Variants in IKZF2 observed in about 807,000 individuals in gnomAD.
IKZF2 encodes the protein IKAROS family zinc finger 2.
Under a neutral mutation model 49.2 loss-of-function variants are expected in IKZF2, and 15 were observed. That is an observed-to-expected ratio of 0.30 (90% CI 0.20 to 0.47). IKZF2 has a LOEUF of 0.47. IKZF2 is among the 20% of genes least tolerant of loss of function. IKZF2 has a pLI of 1.00. For missense variants in IKZF2, 567 were observed against 664.6 expected (o/e 0.85, Z 1.61); for synonymous variants, 227 against 221.4 (o/e 1.03, Z -0.23).
chr2:213,102,182 C>T (rs370415046), intron 4 of IKZF2, among the ~76,000 whole-genome samples: 8 of 151,990 alleles, frequency 5.3e-5, no homozygotes, highest in Non-Finnish European at 1.0e-4. Context: ...AATTTGTGAG[C>T]GGCATCTTTG....
At chr2:213,059,915 C>T (rs768204112) in intron 4 of IKZF2, among the ~76,000 whole-genome samples, 9 of 151,114 alleles carry the variant, frequency 6.0e-5, no homozygotes, top group South Asian at 4.2e-4. Context: ...ATAGTAAAGC[C>T]GTAGTAATCT....
chr2:213,071,785 C>T (rs772908225), intron 4 of IKZF2, among the ~76,000 whole-genome samples: 2 of 152,082 alleles, frequency 1.3e-5, no homozygotes, highest in Non-Finnish European at 2.9e-5. Context: ...TCAGTATCAA[C>T]AGGTAGTTCT....
chr2:213,054,070 C>T lies in IKZF2; in HGVS notation c.406+2763G>A, dbSNP rs577896761. Among the ~76,000 whole-genome samples the T allele has an allele frequency of 6.8e-4, 103 of 152,106 alleles. 1 individual carries two copies. The highest frequency in any genetic ancestry group is 2.4e-3 in the African/African-American group (98 of 41,502). ...GAGTTTGAGACCAACATGGTGAAAC[C>T]CTGTCTCTACTAAAAATACAGAAAT... On this transcript the variant is annotated intron_variant, in intron 5 of 8. Coordinates refer to ENST00000434687, the MANE Select transcript of IKZF2 (RefSeq NM_001387220.1).
chr2:213,097,951 G>GA, intron 4 of IKZF2: 1 of 306,024 alleles, frequency 3.3e-6, no homozygotes, highest in South Asian at 2.8e-5. Context: ...CTATATTTTT[G>GA]AAAAAGACCC....
At chr2:213,101,104 T>C (rs749329976) in intron 4 of IKZF2, among the ~76,000 whole-genome samples, 83 of 151,930 alleles carry the variant, frequency 5.5e-4, no homozygotes, top group Non-Finnish European at 1.1e-3. Context: ...CCTATACCTA[T>C]GAGGAAAAAT....
intron 6 of IKZF2, among the ~76,000 whole-genome samples, chr2:213,023,017 G>A (rs182370575): frequency 1.2e-4 from 18 of 152,148 alleles, no homozygotes; most frequent in African/African-American, 4.3e-4. Context: ...TCTTCATAAG[G>A]ACATCACAGA....
At chr2:213,116,513 T>C (rs1176604315) in intron 4 of IKZF2, among the ~76,000 whole-genome samples, 2 of 152,132 alleles carry the variant, frequency 1.3e-5, no homozygotes, top group African/African-American at 2.4e-5. Flanking sequence ...GGCGGGTGGA[T>C]TGCTTGAGTC....
chr2:213,141,786 T>C (rs1023712155), intron 4 of IKZF2, among the ~76,000 whole-genome samples: 2 of 152,022 alleles, frequency 1.3e-5, no homozygotes, highest in Non-Finnish European at 1.5e-5. Context: ...AAGGACTCTA[T>C]ACTCTTTATT....
intron 4 of IKZF2, among the ~76,000 whole-genome samples, chr2:213,083,808 A>T (rs1402901600): frequency 6.6e-6 from 1 of 150,620 alleles, no homozygotes; most frequent in Non-Finnish European, 1.5e-5. Context: ...CATCACCCCC[A>T]GACTATCTGG....
At chr2:213,017,015 T>C (rs1275296535) in intron 7 of IKZF2, 2 of 152,118 alleles carry the variant, frequency 1.3e-5, no homozygotes, top group East Asian at 1.9e-4. Context: ...GTCTTCTATA[T>C]TGTTGCAAAT....
intron 4 of IKZF2, among the ~76,000 whole-genome samples, chr2:213,103,051 C>T (rs950540825): frequency 2.0e-5 from 3 of 152,122 alleles, no homozygotes; most frequent in Admixed American, 1.3e-4. Context: ...TAAGTAACCA[C>T]GTTACTCACA....
Position 213,004,070 on chromosome 2 carries a change from T to C in IKZF2, c.*3290A>G, listed in dbSNP as rs1360046184. On this transcript the variant is annotated 3_prime_UTR_variant, in exon 9 of 9. Coordinates refer to ENST00000434687, the MANE Select transcript of IKZF2 (RefSeq NM_001387220.1). ...GTAAACCCAACTAATTTCTTGGTATTAACTGTCATTTAAATTCTCTGTATG... is the reference window on the plus strand; with the variant it reads ...GTAAACCCAACTAATTTCTTGGTATCAACTGTCATTTAAATTCTCTGTATG... 6.6e-6 allele frequency: 1 copy of C among 151,848 alleles called. No individual in the cohort carries two copies. Among genetic ancestry groups the C allele is most frequent in the East Asian group, 1.9e-4 (1 of 5,170 alleles). The allele number at this position is 151,848 out of a possible 1,614,324, so 9.4% of individuals were successfully genotyped here.
chr2:213,008,995 TAA>T (rs1695650487), intron 8 of IKZF2, among the ~76,000 whole-genome samples: 1 of 152,100 alleles, frequency 6.6e-6, no homozygotes. Context: ...AAAATAAAAT[TAA>T]GAGTTATTTC....
chr2:213,121,057 T>C (rs1286349366), intron 4 of IKZF2, among the ~76,000 whole-genome samples: 1 of 152,218 alleles, frequency 6.6e-6, no homozygotes, highest in Non-Finnish European at 1.5e-5. Flanking sequence ...TATTTATGTA[T>C]GATGTAACTG....
intron 4 of IKZF2, among the ~76,000 whole-genome samples, chr2:213,107,961 C>T (rs1335708711): frequency 6.6e-6 from 1 of 152,050 alleles, no homozygotes; most frequent in East Asian, 1.9e-4. Context: ...GAAATGTAAA[C>T]CATCAGGCAT....
At chr2:213,025,183 T>C (rs1697682793) in intron 6 of IKZF2, among the ~76,000 whole-genome samples, 1 of 152,142 alleles carries the variant, frequency 6.6e-6, no homozygotes, top group Admixed American at 6.6e-5. Context: ...AGATCCTACA[T>C]TCGCCCTCAC....
chr2:213,026,536 A>G (rs879356239), intron 6 of IKZF2, among the ~76,000 whole-genome samples: 1 of 152,138 alleles, frequency 6.6e-6, no homozygotes, highest in Non-Finnish European at 1.5e-5. Context: ...TGAATGATAT[A>G]ATTTCCAAAC....
chr2:213,070,083 C>T (rs1206241735), intron 4 of IKZF2, among the ~76,000 whole-genome samples: 6 of 151,786 alleles, frequency 4.0e-5, no homozygotes, highest in African/African-American at 1.5e-4. Flanking sequence ...CTTTCACACT[C>T]AGAGGAAAAA....
intron 4 of IKZF2, among the ~76,000 whole-genome samples, chr2:213,080,287 C>T (rs1703803378): frequency 6.6e-6 from 1 of 152,086 alleles, no homozygotes; most frequent in African/African-American, 2.4e-5. Context: ...TTTACAAATA[C>T]TGTGTCAGTG....
Sources: gnomAD v4.1 joint callset for allele counts (sites outside exome capture counted in the v4.1 genomes callset) on GRCh38, gnomAD v4.1.1 for gene constraint, MANE v1.5 for transcripts, NCBI Gene and HGNC (gene_info 2026-07-23, HGNC 2026-07-21) for gene names.